Variants in SMIM36 observed in about 807,000 individuals in gnomAD.
The protein encoded by SMIM36 is small integral membrane protein 36.
chr17:55,507,272 T>C (rs1355832047), intron 1 of SMIM36, among the ~76,000 whole-genome samples: 1 of 72,598 alleles, frequency 1.4e-5, no homozygotes, highest in Non-Finnish European at 2.4e-5. Flanking sequence ...TAAAGACACA[T>C]GCACACGTAT....
chr17:55,508,230 T>C (rs924511595), intron 1 of SMIM36, among the ~76,000 whole-genome samples: 1 of 151,654 alleles, frequency 6.6e-6, no homozygotes, highest in Admixed American at 6.6e-5. Flanking sequence ...CCTCACCCCT[T>C]CCACAAGGAT....
At chr17:55,477,282 CAG>C (rs1031035238) in intron 3 of SMIM36, 11 of 152,224 alleles carry the variant, frequency 7.2e-5, no homozygotes, top group African/African-American at 2.4e-4. Context: ...AAGGTAATGG[CAG>C]AGTCATGCTT....
At position 55,484,628 on chromosome 17, in the gene SMIM36, C is replaced by T. The variant is rs538493257; in HGVS notation, c.*175-5048G>A. Among the ~76,000 whole-genome samples the T allele has an allele frequency of 1.2e-4, 18 of 152,282 alleles. No homozygotes were observed. The East Asian group carries it at 2.7e-3, about 23-fold the overall frequency. ...AAAGATGAGGCTGCATCAGGCCTTT[C>T]GCTAATGTCAATGTATAGGAAATAT... On this transcript the variant is annotated intron_variant, in intron 1 of 4. Transcript: ENST00000636752.
intron 1 of SMIM36, among the ~76,000 whole-genome samples, chr17:55,505,234 G>A (rs1910061610): frequency 1.0e-5 from 1 of 95,270 alleles, no homozygotes; most frequent in Non-Finnish European, 2.0e-5. Context: ...TATGAGGCCA[G>A]CATCATTCTG....
At chr17:55,473,320 C>T (rs1909373213) in intron 3 of SMIM36, among the ~76,000 whole-genome samples, 2 of 152,220 alleles carry the variant, frequency 1.3e-5, no homozygotes, top group South Asian at 4.1e-4. Flanking sequence ...TTTACTCCAA[C>T]ACAAGGTTGG....
At chr17:55,490,137 G>C (rs1473290469) in intron 1 of SMIM36, among the ~76,000 whole-genome samples, 1 of 151,970 alleles carries the variant, frequency 6.6e-6, no homozygotes, top group African/African-American at 2.4e-5. Context: ...TTATAGACAG[G>C]AGCCACCGCG....
chr17:55,460,546 C>T (rs1413802666), intron 4 of SMIM36, among the ~76,000 whole-genome samples: 1 of 151,674 alleles, frequency 6.6e-6, no homozygotes, highest in African/African-American at 2.4e-5. Flanking sequence ...GCATAAAATA[C>T]CATTTACGTA....
intron 1 of SMIM36, among the ~76,000 whole-genome samples, chr17:55,500,989 A>ATTTTATAATATAATAATAGTATATTATT (rs1909921248): frequency 3.0e-4 from 3 of 9,884 alleles, no homozygotes; most frequent in Admixed American, 4.0e-3. Context: ...TATATTATAT[A>ATTTTATAATATAATAATAGTATATTATT]TTATAATATG....
chr17:55,528,921 T>G, the SMIM36 span, among the ~76,000 whole-genome samples: 3 of 152,196 alleles, frequency 2.0e-5, no homozygotes. Context: ...GAAAATGCAA[T>G]TTGCATATAC....
At chr17:55,509,804 A>C (rs1483627287) in intron 1 of SMIM36, among the ~76,000 whole-genome samples, 1 of 152,224 alleles carries the variant, frequency 6.6e-6, no homozygotes, top group Non-Finnish European at 1.5e-5. Context: ...TTTTGGAAAT[A>C]GACTAATGAA....
chr17:55,457,515 A>T (rs1025676196), intron 4 of SMIM36, among the ~76,000 whole-genome samples: 1 of 151,740 alleles, frequency 6.6e-6, no homozygotes, highest in Admixed American at 6.6e-5. Flanking sequence ...TCTTTAAAAA[A>T]ATTTTTTTTA....
chr17:55,501,361 T>G (rs1206663084), intron 1 of SMIM36, among the ~76,000 whole-genome samples: 65 of 84,972 alleles, frequency 7.6e-4, no homozygotes, highest in African/African-American at 3.3e-3. Context: ...TTTTATAATA[T>G]ATAATATATT....
At chr17:55,500,960 T>A (rs796097762) in intron 1 of SMIM36, among the ~76,000 whole-genome samples, 13 of 29,878 alleles carry the variant, frequency 4.4e-4, no homozygotes, top group African/African-American at 8.9e-4. Context: ...TATATTATAT[T>A]TTATAATATA....
chr17:55,492,517 C>T (rs1366970820), intron 1 of SMIM36, among the ~76,000 whole-genome samples: 2 of 151,460 alleles, frequency 1.3e-5, no homozygotes, highest in Non-Finnish European at 1.5e-5. Context: ...CTCAGCCTCC[C>T]GAAGTGCTGG....
At chr17:55,517,683 G>A in the SMIM36 span, among the ~76,000 whole-genome samples, 1 of 152,246 alleles carries the variant, frequency 6.6e-6, no homozygotes, top group African/African-American at 2.4e-5. Context: ...GTGGATGACT[G>A]AAGGAAAGTA....
At chr17:55,512,154 T>C (rs1158177913), upstream of SMIM36, among the ~76,000 whole-genome samples, 1 of 152,196 alleles carries the variant, frequency 6.6e-6, no homozygotes, top group Admixed American at 6.5e-5. Flanking sequence ...ATTTAACCTA[T>C]GACCTGAAGG....
chr17:55,455,421 T>C (rs529195743), intron 4 of SMIM36, among the ~76,000 whole-genome samples: 1 of 151,046 alleles, frequency 6.6e-6, no homozygotes, highest in South Asian at 2.1e-4. Flanking sequence ...CTTAGCTTTG[T>C]GCTTTTTCTC....
At chr17:55,481,600 T>A (rs1232574017) in intron 1 of SMIM36, among the ~76,000 whole-genome samples, 1 of 152,218 alleles carries the variant, frequency 6.6e-6, no homozygotes, top group Non-Finnish European at 1.5e-5. Context: ...GTATAAGTGT[T>A]CTAGCTAAGA....
chr17:55,526,548 C>T, the SMIM36 span, among the ~76,000 whole-genome samples: 1 of 152,176 alleles, frequency 6.6e-6, no homozygotes, highest in African/African-American at 2.4e-5. Flanking sequence ...ACAGTGCAGG[C>T]AGCTGCAGTC....
Sources: allele counts gnomAD v4.1 joint callset (sites outside exome capture counted in the v4.1 genomes callset), GRCh38; gene constraint gnomAD v4.1.1; transcripts MANE v1.5; gene names NCBI Gene and HGNC (gene_info 2026-07-23, HGNC 2026-07-21).